PTPN21: variants seen among roughly 807,000 people sequenced by gnomAD.
The protein encoded by PTPN21 is protein tyrosine phosphatase non-receptor type 21.
Under a neutral mutation model 131.8 loss-of-function variants are expected in PTPN21, and 77 were observed. The observed-to-expected ratio is 0.58, with a 90% confidence interval of 0.49 to 0.71. The LOEUF is 0.71. PTPN21 is among the 30% of genes least tolerant of loss of function. PTPN21 has a pLI of 0.00. For synonymous variants in PTPN21, 715 were observed against 621.3 expected (o/e 1.15, Z -2.24); for missense variants, 1,552 against 1,527.1 (o/e 1.02, Z -0.27).
At chr14:88,493,263 G>A in intron 10 of PTPN21, 1 of 323,124 alleles carries the variant, frequency 3.1e-6, no homozygotes, top group African/African-American at 2.2e-5. Flanking sequence ...TTATAAAAGA[G>A]GTAGAAAAAA....
chr14:88,496,635 C>T, intron 9 of PTPN21, 143 bp from the exon 10 acceptor site: 1 of 647,794 alleles, frequency 1.5e-6, no homozygotes, highest in Non-Finnish European at 2.7e-6. Context: ...CATTTTCCAA[C>T]ACTGTGCCCA....
intron 2 of PTPN21, among the ~76,000 whole-genome samples, chr14:88,530,116 C>A (rs775212983): frequency 9.9e-5 from 15 of 152,086 alleles, no homozygotes; most frequent in Non-Finnish European, 1.8e-4. Flanking sequence ...GCATTGGGGT[C>A]CTATATTAGC....
At chr14:88,519,032 G>A (rs996413049) in intron 2 of PTPN21, among the ~76,000 whole-genome samples, 2 of 151,796 alleles carry the variant, frequency 1.3e-5, no homozygotes, top group Admixed American at 1.3e-4. Flanking sequence ...GAAAAGCTAT[G>A]ACTAATGCAG....
chr14:88,480,138 G>A lies in PTPN21; in HGVS notation c.1293C>T (p.Tyr431=), dbSNP rs765861682. Residue 431 remains tyrosine, a synonymous_variant, in exon 13 of 19, where the codon TAC becomes TAT. Transcript: ENST00000556564. ...CGGCGCTGTGCCGATGGGACGGGAG[G>A]TAGTCAGGCCTCATGACGTCACTCC... The part of the protein sequence containing the change: ...ITGSDVMRPD[Y]LPSHRHSAVI... 3.1e-6 allele frequency: 5 copies of A among 1,614,174 alleles called. No individual in the cohort carries two copies. Among genetic ancestry groups the A allele is most frequent in the Non-Finnish European group, 4.2e-6 (5 of 1,180,010 alleles).
chr14:88,542,864 C>T (rs559262285), intron 2 of PTPN21, among the ~76,000 whole-genome samples: 11 of 152,202 alleles, frequency 7.2e-5, no homozygotes, highest in Admixed American at 2.0e-4. Context: ...TCCAATAGCT[C>T]TAACTGAAAA....
At chr14:88,480,496 A>C (rs2077637986) in intron 12 of PTPN21, 144 bp from the exon 13 acceptor site, 2 of 697,412 alleles carry the variant, frequency 2.9e-6, no homozygotes, top group Non-Finnish European at 4.7e-6. Flanking sequence ...TAGCCACACT[A>C]TCTGAGTGAC....
Position 88,479,936 on chromosome 14 carries a change from G to C in PTPN21, c.1495C>G (p.His499Asp), listed in dbSNP as rs1489832683. The change falls in exon 13 of 19, where the codon CAC (histidine) becomes GAC (aspartate). Residue 499 changes from histidine (H) to aspartate (D), a missense_variant. This residue lies in a region of PTPN21 where 1,016 missense variants were observed against 883.5 expected (regional missense o/e 1.15). Coordinates refer to ENST00000556564, the MANE Select transcript of PTPN21 (RefSeq NM_007039.4). Reference sequence around the variant, plus strand: ...GCCGCTGGCGAGGGGAGCTGTGCGTGCTCGCGGATCTCGGGCTGGCTGTAG... The same window carrying C: ...GCCGCTGGCGAGGGGAGCTGTGCGTCCTCGCGGATCTCGGGCTGGCTGTAG... Reference protein sequence around the residue: ...LVYSQPEIREHAQLPSPAAAH... With the variant: ...LVYSQPEIREDAQLPSPAAAH... 1 of 1,605,874 alleles carries C rather than the reference G, an allele frequency of 6.2e-7. No homozygotes were observed. The highest frequency in any genetic ancestry group is 8.5e-7 in the Non-Finnish European group (1 of 1,179,722).
chr14:88,538,400 C>A (rs529933144), intron 2 of PTPN21, among the ~76,000 whole-genome samples: 1 of 152,186 alleles, frequency 6.6e-6, no homozygotes, highest in Non-Finnish European at 1.5e-5. Context: ...TCTGATACTT[C>A]CAACTCTGCC....
chr14:88,534,752 T>C (rs2078605328), intron 2 of PTPN21, among the ~76,000 whole-genome samples: 1 of 152,110 alleles, frequency 6.6e-6, no homozygotes, highest in Non-Finnish European at 1.5e-5. Context: ...TGCACGCCTA[T>C]AATTCCAGCT....
In PTPN21 at chr14:88,469,913, A is replaced by C; in HGVS notation, c.3000+9T>G. 1 of 1,613,924 alleles carries C rather than the reference A, an allele frequency of 6.2e-7. No individual in the cohort carries two copies. The highest frequency in any genetic ancestry group is 8.5e-7 in the Non-Finnish European group (1 of 1,179,962). Reference sequence around the variant, plus strand: ...CTGAGAAAATCACTTAAGAGAAATAAGTACCTACCTCTTCTGCTGTCACCA... The same window carrying C: ...CTGAGAAAATCACTTAAGAGAAATACGTACCTACCTCTTCTGCTGTCACCA... On this transcript the variant is annotated intron_variant, in intron 16 of 18. Coordinates refer to ENST00000556564, the MANE Select transcript of PTPN21 (RefSeq NM_007039.4). The surrounding 1 kb of genome is among the most constrained non-coding windows in gnomAD (Gnocchi z 4.3).
intron 10 of PTPN21, among the ~76,000 whole-genome samples, chr14:88,490,412 A>G (rs963649543): frequency 6.6e-6 from 1 of 152,098 alleles, no homozygotes; most frequent in African/African-American, 2.4e-5. Context: ...CCATGTCCCC[A>G]TACCCAGAGG....
intron 2 of PTPN21, among the ~76,000 whole-genome samples, chr14:88,549,472 C>G (rs2078828613): frequency 6.6e-6 from 1 of 152,186 alleles, no homozygotes. Flanking sequence ...TTAATCTAAT[C>G]TATTCCTGCT....
chr14:88,523,306 T>C (rs1330806660), intron 2 of PTPN21, among the ~76,000 whole-genome samples: 1 of 151,914 alleles, frequency 6.6e-6, no homozygotes, highest in Non-Finnish European at 1.5e-5. Flanking sequence ...CCCAAAATCA[T>C]TATACCATAT....
Position 88,510,476 on chromosome 14 carries a change from G to A in PTPN21, c.351-2456C>T, listed in dbSNP as rs188440586. Among the ~76,000 whole-genome samples, 176 of 152,340 alleles carry A rather than the reference G, an allele frequency of 1.2e-3. 4 individuals are homozygous for A. The highest frequency in any genetic ancestry group is 4.0e-3 in the African/African-American group (166 of 41,572). ...CAAATGCACAGAGCCAGACTGAGCT[G>A]GAGTTTGAATCCCCAGGTCTCAATG... is the stretch of plus-strand genomic sequence containing the variant. On this transcript the variant is annotated intron_variant, in intron 3 of 18. Transcript: ENST00000556564.
In PTPN21 at chr14:88,469,524, A is replaced by G. The variant is rs1256097705; in HGVS notation, c.3210T>C (p.Cys1070=). Residue 1070 remains cysteine (C), a synonymous_variant, in exon 17 of 19, where the codon TGT becomes TGC. Transcript: ENST00000556564. The surrounding 1 kb of genome is among the most constrained non-coding windows in gnomAD (Gnocchi z 4.3). ...LQYTDWPEHG[C]PEDLKGFLSY... ...ATAAAAATCCCTTGAGGTCTTCTGG[A>G]CAGCCATGTTCAGGCCAGTCTGTGT... 1 of 1,614,068 alleles carries G rather than the reference A, an allele frequency of 6.2e-7. No individual in the cohort carries two copies.
At chr14:88,488,229 A>G (rs2077766086) in intron 10 of PTPN21, among the ~76,000 whole-genome samples, 1 of 152,200 alleles carries the variant, frequency 6.6e-6, no homozygotes, top group Admixed American at 6.5e-5. Context: ...ACAGTTGCCC[A>G]GCCTGGGGCA....
chr14:88,534,513 CA>C (rs2078601357), intron 2 of PTPN21, among the ~76,000 whole-genome samples: 1 of 151,996 alleles, frequency 6.6e-6, no homozygotes, highest in Non-Finnish European at 1.5e-5. Context: ...TATGTTATTA[CA>C]AGAGTCAAAA....
rs149460363 is a variant in PTPN21, at chr14:88,480,143, C to G, written c.1288G>C (p.Asp430His). 99 of 1,613,986 alleles carry G rather than the reference C, an allele frequency of 6.1e-5. 1 individual carries two copies. In the African/African-American group the frequency reaches 9.3e-4, roughly 15 times the overall value. Residue 430 changes from aspartate to histidine, a missense_variant, in exon 13 of 19, where the codon GAC becomes CAC. Transcript: ENST00000556564. ...SITGSDVMRP[D>H]YLPSHRHSAV... is the part of the protein sequence containing the mutation. ...CTGTGCCGATGGGACGGGAGGTAGT[C>G]AGGCCTCATGACGTCACTCCCGGTG...
In PTPN21 at chr14:88,479,918, G is replaced by T; in HGVS notation, c.1513C>A (p.Pro505Thr). 6.2e-7 allele frequency: 1 copy of T among 1,602,552 alleles called. No homozygotes were observed. The highest frequency in any genetic ancestry group is 8.5e-7 in the Non-Finnish European group (1 of 1,178,374). The part of the protein sequence containing the change: ...EIREHAQLPS[P>T]AAAHCPFSLS... ...CTGAACGGGCAGTGTGCGGCCGCTG[G>T]CGAGGGGAGCTGTGCGTGCTCGCGG... The change falls in exon 13 of 19, where the codon CCA (proline) becomes ACA (threonine). Residue 505 changes from proline (P) to threonine (T), a missense_variant. Transcript: ENST00000556564.
Sources: gnomAD v4.1 joint callset for allele counts (sites outside exome capture counted in the v4.1 genomes callset) on GRCh38, gnomAD v4.1.1 for gene constraint, gnomAD v4.1.1 regional missense constraint, Gnocchi (gnomAD v3.1) non-coding constraint, MANE v1.5 for transcripts, NCBI Gene and HGNC (gene_info 2026-07-23, HGNC 2026-07-21) for gene names.